XG: variants seen among roughly 807,000 people sequenced by gnomAD.
XG encodes glycoprotein Xg.
XG carries 24 observed loss-of-function variants against 25.7 expected under a neutral mutation model. The ratio of observed to expected loss-of-function variants is 0.93; its 90% confidence interval spans 0.68 to 1.31. The LOEUF (loss-of-function observed/expected upper bound fraction) is 1.31. Among genes scored for constraint, XG ranks in the 40% most tolerant of loss-of-function variants. The pLI is 0.00. For missense variants in XG, 181 were observed against 187.6 expected, an observed-to-expected ratio of 0.96 and a Z score of 0.21; for synonymous variants, 77 against 69.2, an observed-to-expected ratio of 1.11 and a Z score of -0.56.
At position 2,752,245 on chromosome X, in the gene XG, C is replaced by T; in HGVS notation, c.-30C>T. ...TCACAATCCGCTTGGCTGGGGAGTC[C>T]ACTGAGGTTCTTGCATCCTGAAGCA... On this transcript the variant is annotated 5_prime_UTR_variant, in exon 1 of 11. Transcript: ENST00000644266. The T allele has an allele frequency of 6.2e-7, 1 of 1,613,508 alleles. No individual in the cohort carries two copies. Among genetic ancestry groups the T allele is most frequent in the East Asian group, 2.2e-5 (1 of 44,880 alleles).
At chrX:2,811,122 T>C (rs1388812200) in intron 9 of XG, among the ~76,000 whole-genome samples, 1 of 110,697 alleles carries the variant, frequency 9.0e-6, no homozygotes, top group African/African-American at 3.3e-5. Flanking sequence ...TTTCTTTTTT[T>C]TTAAATTAAG....
At chrX:2,776,764 C>T (rs1480642676) in intron 3 of XG, among the ~76,000 whole-genome samples, 15 of 152,284 alleles carry the variant, frequency 9.9e-5, no homozygotes, top group Non-Finnish European at 2.1e-4. Context: ...AGGAGAATGG[C>T]GTGAACCCGG....
chrX:2,758,780 AGGAC>A (rs2050492667), intron 1 of XG, among the ~76,000 whole-genome samples: 1 of 152,174 alleles, frequency 6.6e-6, no homozygotes. Flanking sequence ...ATATGTCAGT[AGGAC>A]TGAGGCTGAG....
chrX:2,774,005 G>A (rs367729693), intron 2 of XG, among the ~76,000 whole-genome samples: 19 of 149,766 alleles, frequency 1.3e-4, no homozygotes, highest in Non-Finnish European at 2.5e-4. Flanking sequence ...GTGAATGTCC[G>A]CACCACACAC....
chrX:2,766,731 A>G (rs1208287367), intron 1 of XG, among the ~76,000 whole-genome samples: 4 of 146,744 alleles, frequency 2.7e-5, no homozygotes, highest in Admixed American at 1.4e-4. Flanking sequence ...CACCCGGCTA[A>G]TTTTTTTGTA....
At chrX:2,773,226 G>C (rs1330530974) in intron 2 of XG, among the ~76,000 whole-genome samples, 1 of 148,696 alleles carries the variant, frequency 6.7e-6, no homozygotes, top group Middle Eastern at 3.2e-3. Flanking sequence ...GAACGATGGA[G>C]GGAAGGAAGG....
At chrX:2,774,934 C>T (rs2050943263) in intron 3 of XG, 195 bp downstream of exon 3, 6 of 675,216 alleles carry the variant, frequency 8.9e-6, no homozygotes, top group South Asian at 3.6e-5. Flanking sequence ...AGCACCACTT[C>T]GTCCCCACTG....
At chrX:2,798,125 C>T (rs1318155737) in intron 7 of XG, among the ~76,000 whole-genome samples, 1 of 111,457 alleles carries the variant, frequency 9.0e-6, no homozygotes, top group Non-Finnish European at 1.9e-5. Flanking sequence ...GAGTGAAAGC[C>T]GTGTTCTACA....
intron 10 of XG, among the ~76,000 whole-genome samples, chrX:2,813,922 T>C: frequency 1.8e-5 from 2 of 112,792 alleles, no homozygotes; most frequent in Middle Eastern, 9.1e-3. Flanking sequence ...TTTCCAGATA[T>C]GATTTTAACA....
intron 4 of XG, among the ~76,000 whole-genome samples, chrX:2,784,034 C>A (rs2147062933): frequency 9.0e-6 from 1 of 111,575 alleles, no homozygotes; most frequent in African/African-American, 3.3e-5. Flanking sequence ...ACCACCTCAC[C>A]CTTAACTGCA....
chrX:2,769,758 A>T (rs2050772951), intron 1 of XG, among the ~76,000 whole-genome samples: 1 of 152,184 alleles, frequency 6.6e-6, no homozygotes, highest in Admixed American at 6.5e-5. Flanking sequence ...CATTAGATTA[A>T]CTGCTTTTGG....
chrX:2,770,019 A>AG (rs2050780083), intron 1 of XG, among the ~76,000 whole-genome samples: 1 of 31,466 alleles, frequency 3.2e-5, no homozygotes, highest in Non-Finnish European at 5.8e-5. Flanking sequence ...GCGTGTGTGG[A>AG]GGGGTGGGGG....
At chrX:2,752,794 C>A (rs1470276934) in intron 1 of XG, 1 of 391,646 alleles carries the variant, frequency 2.6e-6, no homozygotes, top group African/African-American at 2.2e-5. Flanking sequence ...GGAAGGGTTG[C>A]ATTTATTCAG....
At chrX:2,778,519 G>A (rs2534630) in intron 3 of XG, among the ~76,000 whole-genome samples, 58,326 of 151,740 alleles carry the variant, frequency 0.38, 8,915 homozygotes, top group African/African-American at 0.47. Context: ...TCCAGCCTGC[G>A]TGACAGAGCA....
At chrX:2,762,375 A>G (rs947139122) in intron 1 of XG, among the ~76,000 whole-genome samples, 2 of 152,024 alleles carry the variant, frequency 1.3e-5, no homozygotes, top group African/African-American at 2.4e-5. Flanking sequence ...CAGTTGGTTG[A>G]CCTTCTGGGG....
chrX:2,799,863 A>G (rs1244773497), intron 7 of XG, among the ~76,000 whole-genome samples: 3 of 111,842 alleles, frequency 2.7e-5, no homozygotes, highest in Non-Finnish European at 3.8e-5. Context: ...CTCCGTGTTT[A>G]GCTCCCACTT....
intron 2 of XG, among the ~76,000 whole-genome samples, chrX:2,774,497 G>A (rs2050930705): frequency 6.6e-6 from 1 of 152,066 alleles, no homozygotes; most frequent in African/African-American, 2.4e-5. Context: ...CATCCTGTGG[G>A]CATCCTCACA....
At chrX:2,766,364 C>G (rs2050688766) in intron 1 of XG, among the ~76,000 whole-genome samples, 1 of 151,982 alleles carries the variant, frequency 6.6e-6, no homozygotes, top group Non-Finnish European at 1.5e-5. Flanking sequence ...TGGTCTCGAT[C>G]TCTTGACCTT....
At chrX:2,768,480 G>A (rs369176865) in intron 1 of XG, among the ~76,000 whole-genome samples, 5 of 152,136 alleles carry the variant, frequency 3.3e-5, no homozygotes, top group African/African-American at 7.2e-5. Flanking sequence ...CAAGAGCGCT[G>A]GAGGAGGCCA....
Sources: allele counts gnomAD v4.1 joint callset (sites outside exome capture counted in the v4.1 genomes callset), GRCh38; gene constraint gnomAD v4.1.1; transcripts MANE v1.5; gene names NCBI Gene and HGNC (gene_info 2026-07-23, HGNC 2026-07-21).